SRGAP3: variants seen among roughly 807,000 people sequenced by gnomAD.
The protein encoded by SRGAP3 is SLIT-ROBO Rho GTPase-activating protein 3.
In SRGAP3, 39 loss-of-function variants were observed where a neutral mutation model predicts 121.1. The ratio of observed to expected loss-of-function variants is 0.32; its 90% CI spans 0.25 to 0.42. SRGAP3 has a LOEUF of 0.42. Ranked by LOEUF, SRGAP3 falls within the 10% of genes least tolerant of loss-of-function variation. The pLI is 1.00. For missense variants in SRGAP3, 1,213 were observed against 1,470.6 expected (o/e 0.82, Z 2.86); for synonymous variants, 601 against 570.0 (o/e 1.05, Z -0.77).
chr3:9,207,668 C>T (rs960866146), intron 1 of SRGAP3, among the ~76,000 whole-genome samples: 8 of 152,154 alleles, frequency 5.3e-5, no homozygotes, highest in African/African-American at 1.9e-4. Context: ...CGGGGAAGCA[C>T]TGAAGCTGAG....
intron 3 of SRGAP3, among the ~76,000 whole-genome samples, chr3:9,296,264 C>A (rs576742294): frequency 1.3e-5 from 2 of 152,280 alleles, no homozygotes; most frequent in Non-Finnish European, 2.9e-5. Flanking sequence ...AACAGCAATG[C>A]GCAAGGGTTC....
At chr3:9,288,736 G>A (rs1954824902) in intron 3 of SRGAP3, among the ~76,000 whole-genome samples, 1 of 151,636 alleles carries the variant, frequency 6.6e-6, no homozygotes, top group African/African-American at 2.4e-5. Context: ...ACCACACCCA[G>A]CTAATTTTTT....
intron 18 of SRGAP3, among the ~76,000 whole-genome samples, chr3:8,995,499 G>A (rs908171316): frequency 1.3e-5 from 2 of 152,094 alleles, no homozygotes; most frequent in African/African-American, 2.4e-5. Flanking sequence ...AAAAGTTCTT[G>A]TACAAAAGGG....
At chr3:9,011,592 C>A (rs1283237709) in intron 17 of SRGAP3, among the ~76,000 whole-genome samples, 1 of 152,356 alleles carries the variant, frequency 6.6e-6, no homozygotes. Context: ...GCACTTCCCC[C>A]AGGAAGCCCT....
rs138016604 is a variant in SRGAP3 at position 9,345,694 on chromosome 3, G to A, written n.215-15098C>T. Among the ~76,000 whole-genome samples, 975 of 143,474 alleles carry A rather than the reference G, an allele frequency of 6.8e-3. 15 individuals carry two copies. The highest frequency in any genetic ancestry group is 0.024 in the African/African-American group (919 of 38,114). 94.1% of individuals were successfully genotyped at this position (143,474 alleles called of 152,430 possible). A position where few individuals can be genotyped will look rare whatever the true frequency, so the allele number is the denominator to read the frequency against. On this transcript the variant is annotated intron_variant and non_coding_transcript_variant, in intron 1 of 3. Transcript: ENST00000490889. ...CCAGCTACCTGGGAGGCTGAGGCAG[G>A]AGAATCACTTGAACACGGGAGATGG...
chr3:9,050,818 G>A (rs1002332584), intron 9 of SRGAP3, among the ~76,000 whole-genome samples: 4 of 152,216 alleles, frequency 2.6e-5, no homozygotes, highest in South Asian at 2.1e-4. Context: ...AGCAATCAGC[G>A]TGGGCTGCTT....
intron 7 of SRGAP3, 152 bp downstream of exon 7, chr3:9,058,099 A>G (rs1469302059): frequency 3.7e-6 from 3 of 810,090 alleles, no homozygotes; most frequent in East Asian, 2.6e-5. Flanking sequence ...TATTAGTGGT[A>G]AACTCCTCAG....
At position 9,109,190 on chromosome 3, in the gene SRGAP3, G is replaced by A. The variant is rs531980574; in HGVS notation, c.261-4348C>T. On this transcript the variant is annotated intron_variant, in intron 2 of 21. Coordinates refer to ENST00000383836, the MANE Select transcript of SRGAP3 (RefSeq NM_014850.4). This position sits in a 1 kb window ranked among gnomAD's most constrained non-coding sequence, Gnocchi z 4.4. Reference sequence around the variant, plus strand: ...GGGAGGCAAGAAGTGAACAGCACCAGGGAATTAAATTGTGCAAAATTATGG... The same window carrying A: ...GGGAGGCAAGAAGTGAACAGCACCAAGGAATTAAATTGTGCAAAATTATGG... Among the ~76,000 whole-genome samples the A allele has an allele frequency of 6.6e-6, 1 of 152,286 alleles. No individual in the cohort carries two copies. The highest frequency in any genetic ancestry group is 2.4e-5 in the African/African-American group (1 of 41,558).
At chr3:9,308,446 A>T (rs1250881732) in intron 3 of SRGAP3, among the ~76,000 whole-genome samples, 1 of 152,220 alleles carries the variant, frequency 6.6e-6, no homozygotes, top group African/African-American at 2.4e-5. Context: ...AAGAGCTAGA[A>T]GGAGAACTGC....
chr3:9,063,825 G>A (rs899006734), intron 5 of SRGAP3, among the ~76,000 whole-genome samples: 2 of 152,118 alleles, frequency 1.3e-5, no homozygotes, highest in Non-Finnish European at 2.9e-5. Flanking sequence ...TGACTCCAAA[G>A]CTAGAATTCC....
At chr3:8,997,772 T>C (rs1354847347) in intron 18 of SRGAP3, among the ~76,000 whole-genome samples, 2 of 152,238 alleles carry the variant, frequency 1.3e-5, no homozygotes, top group Non-Finnish European at 2.9e-5. Flanking sequence ...ATTTATCATA[T>C]ATCTATCCAC....
intron 1 of SRGAP3, among the ~76,000 whole-genome samples, chr3:9,186,691 G>A (rs1031434314): frequency 2.0e-5 from 3 of 152,104 alleles, no homozygotes; most frequent in Non-Finnish European, 4.4e-5. Context: ...CCCAAACCCT[G>A]CCATGTACGA....
intron 12 of SRGAP3, 30 bp downstream of exon 12, chr3:9,032,620 T>A: frequency 6.2e-7 from 1 of 1,600,784 alleles, no homozygotes; most frequent in East Asian, 2.2e-5. Flanking sequence ...TTGGGTGCAT[T>A]CGCGGACTCC....
chr3:9,249,100 A>C lies in SRGAP3; in HGVS notation c.-149T>G. The C allele has an allele frequency of 1.3e-6, 1 of 785,922 alleles. No individual in the cohort carries two copies. Among genetic ancestry groups the C allele is most frequent in the Non-Finnish European group, 2.2e-6 (1 of 462,712 alleles). 48.7% of individuals were successfully genotyped at this position (785,922 alleles called of 1,614,324 possible). ...TCTTTCACTTGGCTGCAGAGCAGGG[A>C]GAAAAATCCTTCTCCTTCTGGAAGG... On this transcript the variant is annotated 5_prime_UTR_variant, in exon 1 of 22. Coordinates refer to ENST00000383836, the MANE Select transcript of SRGAP3 (RefSeq NM_014850.4).
chr3:9,264,529 G>T (rs914511551), intron 3 of SRGAP3, among the ~76,000 whole-genome samples: 2 of 152,114 alleles, frequency 1.3e-5, no homozygotes, highest in African/African-American at 4.8e-5. Context: ...AAAGTCTCAG[G>T]TTACAAAATC....
chr3:9,010,205 A>G, intron 18 of SRGAP3, 103 bp downstream of exon 18: 1 of 1,331,402 alleles, frequency 7.5e-7, no homozygotes, highest in African/African-American at 1.4e-5. Context: ...TGACTTGGAA[A>G]GCTGAAGAGG....
upstream of SRGAP3, among the ~76,000 whole-genome samples, chr3:9,252,308 T>C (rs1415931922): frequency 1.3e-5 from 2 of 152,122 alleles, no homozygotes; most frequent in Admixed American, 1.3e-4. Flanking sequence ...ACTTTTTTTT[T>C]TCTCAAGATG....
At chr3:9,128,506 C>T (rs1949323472) in intron 1 of SRGAP3, among the ~76,000 whole-genome samples, 1 of 152,172 alleles carries the variant, frequency 6.6e-6, no homozygotes, top group Non-Finnish European at 1.5e-5. Context: ...CAGTGTAAAA[C>T]ATTTGACTTG....
At chr3:9,341,947 C>T (rs1004726448) in intron 1 of SRGAP3, among the ~76,000 whole-genome samples, 1 of 152,184 alleles carries the variant, frequency 6.6e-6, no homozygotes, top group Non-Finnish European at 1.5e-5. Flanking sequence ...ATCACTGACT[C>T]ATAGAATCAT....
Sources: allele counts gnomAD v4.1 joint callset (sites outside exome capture counted in the v4.1 genomes callset), GRCh38; gene constraint gnomAD v4.1.1; non-coding constraint Gnocchi (gnomAD v3.1); transcripts MANE v1.5; gene names NCBI Gene and HGNC (gene_info 2026-07-23, HGNC 2026-07-21).